Variants in CRYGS observed in about 807,000 individuals in gnomAD.
CRYGS encodes the protein gamma-crystallin S.
CRYGS carries 13 observed loss-of-function variants against 21.3 expected under a neutral mutation model. The observed-to-expected ratio is 0.61, with a 90% CI of 0.40 to 0.97. The LOEUF (loss-of-function observed/expected upper bound fraction) is 0.97. Among genes scored for constraint, CRYGS ranks in the 50% least tolerant of loss-of-function variants. CRYGS has a pLI of 0.00. For missense variants in CRYGS, 205 were observed against 229.7 expected (o/e 0.89, Z 0.69); for synonymous variants, 67 against 75.0 (o/e 0.89, Z 0.55).
At chr3:186,539,683 A>G in intron 1 of CRYGS, 86 bp from the exon 2 acceptor site, 1 of 1,534,718 alleles carries the variant, frequency 6.5e-7, no homozygotes. Context: ...TGCCTACTTT[A>G]GAAATTCCTT....
chr3:186,541,415 T>G (rs544911527), intron 1 of CRYGS, among the ~76,000 whole-genome samples: 2 of 152,220 alleles, frequency 1.3e-5, no homozygotes, highest in Non-Finnish European at 2.9e-5. Flanking sequence ...TCAGTTCCCT[T>G]CCCATCTTAG....
At chr3:186,544,252 G>A (rs73055398) in intron 1 of CRYGS, 54 bp downstream of exon 1, 3 of 1,267,590 alleles carry the variant, frequency 2.4e-6, no homozygotes, top group Non-Finnish European at 3.5e-6. Context: ...TCTGTGTGTT[G>A]AATGCATCAT....
intron 2 of CRYGS, 37 bp downstream of exon 2, chr3:186,539,318 G>A (rs568263645): frequency 1.5e-5 from 24 of 1,611,712 alleles, no homozygotes; most frequent in African/African-American, 1.1e-4. Context: ...GACAGAGGGC[G>A]TGGGAAACAG....
At chr3:186,544,164 C>A (rs1050479528) in intron 1 of CRYGS, 142 bp downstream of exon 1, 53 of 724,868 alleles carry the variant, frequency 7.3e-5, no homozygotes, top group Non-Finnish European at 1.3e-4. Flanking sequence ...ATATAATAAG[C>A]ATTTCTTAAT....
Position 186,539,457 on chromosome 3 carries a change from G to A in CRYGS, c.162C>T (p.Asn54=), listed in dbSNP as rs757509772. The A allele has an allele frequency of 3.1e-6, 5 of 1,613,020 alleles. No homozygotes were observed. Among genetic ancestry groups the A allele is most frequent in the Non-Finnish European group, 4.2e-6 (5 of 1,180,028 alleles). The change falls in exon 2 of 3, where the codon AAC becomes AAT. Residue 54 remains asparagine (N), a synonymous_variant. Coordinates refer to ENST00000307944, the MANE Select transcript of CRYGS (RefSeq NM_017541.4). ...GGTWAVYERP[N]FAGYMYILPQ... ...GTAAGATGTACATGTACCCAGCAAA[G>A]TTGGGCCTTTCATAAACAGCCCAGG...
chr3:186,538,920 T>G lies in CRYGS; in HGVS notation c.313A>C (p.Ser105Arg). Residue 105 changes from serine (S) to arginine (R), a missense_variant, in exon 3 of 3, where the codon AGT becomes CGT. Physicochemically the swap from Ser to Arg is moderately radical, Grantham distance 110. Transcript: ENST00000307944. ...KIQIFEKGDFSGQMYETTEDC... is the reference protein window; with the variant it reads ...KIQIFEKGDFRGQMYETTEDC... ...TCGGTGGTTTCATACATCTGACCAC[T>G]AAAATCCCCTTTCTCAAAGATCTGA... 1 of 1,614,066 alleles carries G rather than the reference T, an allele frequency of 6.2e-7. No individual in the cohort carries two copies. Among genetic ancestry groups the G allele is most frequent in the Non-Finnish European group, 8.5e-7 (1 of 1,179,986 alleles).
intron 1 of CRYGS, among the ~76,000 whole-genome samples, chr3:186,542,735 T>TA (rs976536241): frequency 6.6e-6 from 1 of 152,074 alleles, no homozygotes; most frequent in Non-Finnish European, 1.5e-5. Context: ...CATCTATAAA[T>TA]AAAAAAGAGT....
intron 1 of CRYGS, among the ~76,000 whole-genome samples, chr3:186,542,137 T>C (rs1330001148): frequency 6.6e-6 from 1 of 152,232 alleles, no homozygotes; most frequent in Non-Finnish European, 1.5e-5. Context: ...ATTATCAATA[T>C]CTGCTAAGTA....
At chr3:186,543,692 C>T (rs1373017823) in intron 1 of CRYGS, among the ~76,000 whole-genome samples, 7 of 151,978 alleles carry the variant, frequency 4.6e-5, no homozygotes, top group Non-Finnish European at 7.4e-5. Context: ...TCAGTGGAAG[C>T]GCAAAAAAGA....
chr3:186,539,915 T>C (rs1325974046), intron 1 of CRYGS: 7 of 329,310 alleles, frequency 2.1e-5, no homozygotes, highest in Non-Finnish European at 5.8e-6. Context: ...ATATTATAAA[T>C]TATCCATTTA....
At chr3:186,541,647 T>C (rs73055393) in intron 1 of CRYGS, among the ~76,000 whole-genome samples, 7,313 of 152,258 alleles carry the variant, frequency 0.048, 580 homozygotes, top group African/African-American at 0.17. Context: ...AGCTGACTCA[T>C]GATTAGCAAT....
rs530351088 is a variant in CRYGS at position 186,538,577 on chromosome 3, G to A, written c.*119C>T. On this transcript the variant is annotated 3_prime_UTR_variant, in exon 3 of 3. Transcript: ENST00000307944. ...ATTGCTGGTCCCTAGAAGCATTTAA[G>A]GAGAGGCATTATAGTCAGCAGTGGG... The A allele has an allele frequency of 2.5e-4, 324 of 1,320,820 alleles. 3 individuals carry two copies. In the South Asian group the frequency reaches 3.9e-3, roughly 16 times the overall value. 81.8% of individuals were successfully genotyped at this position (1,320,820 alleles called of 1,614,324 possible). A position where few individuals can be genotyped will look rare whatever the true frequency, so the allele number is the denominator to read the frequency against.
intron 2 of CRYGS, 79 bp downstream of exon 2, chr3:186,539,276 A>G: frequency 6.3e-7 from 1 of 1,596,384 alleles, no homozygotes. Context: ...AGAAGACTCA[A>G]GAAAATGTTC....
At position 186,539,433 on chromosome 3, in the gene CRYGS, T is replaced by C. The variant is rs1560218438; in HGVS notation, c.186A>G (p.Leu62=). The part of the protein sequence containing the change: ...RPNFAGYMYI[L]PQGEYPEYQR... ...GGTATTCAGGGTACTCTCCCTGTGG[T>C]AAGATGTACATGTACCCAGCAAAGT... The change falls in exon 2 of 3, where the codon TTA becomes TTG. Residue 62 remains leucine (L), a synonymous_variant. Coordinates refer to ENST00000307944, the MANE Select transcript of CRYGS (RefSeq NM_017541.4). 1.9e-6 allele frequency: 3 copies of C among 1,612,500 alleles called. No individual in the cohort carries two copies. Among genetic ancestry groups the C allele is most frequent in the Non-Finnish European group, 2.5e-6 (3 of 1,180,010 alleles).
Position 186,538,620 on chromosome 3 carries a change from T to TA in CRYGS, c.*75dup. The TA allele has an allele frequency of 6.3e-7, 1 of 1,591,218 alleles. No individual in the cohort carries two copies. Among genetic ancestry groups the TA allele is most frequent in the South Asian group, 1.1e-5 (1 of 90,376 alleles). The stretch of plus-strand genomic sequence containing the variant: ...GCAGTGGGATGCATGCCAACTGTTT[T>TA]ATTGATGATGCCTATTTGGACCACA... On this transcript the variant is annotated 3_prime_UTR_variant, in exon 3 of 3. Coordinates refer to ENST00000307944, the MANE Select transcript of CRYGS (RefSeq NM_017541.4).
At position 186,539,584 on chromosome 3, in the gene CRYGS, T is replaced by G; in HGVS notation, c.35A>C (p.Glu12Ala). The change falls in exon 2 of 3, where the codon GAA becomes GCA. Residue 12 changes from glutamate to alanine, a missense_variant. Transcript: ENST00000307944. ...SKTGTKITFYEDKNFQGRRYD... is the reference protein window; with the variant it reads ...SKTGTKITFYADKNFQGRRYD... ...GCGACGGCCTTGAAAATTTTTGTCT[T>G]CATAGAAAGTAATCTGAAGTAGAGG... The G allele has an allele frequency of 6.2e-7, 1 of 1,613,984 alleles. No individual in the cohort carries two copies. Among genetic ancestry groups the G allele is most frequent in the Non-Finnish European group, 8.5e-7 (1 of 1,179,886 alleles).
chr3:186,541,500 T>C (rs995265840), intron 1 of CRYGS, among the ~76,000 whole-genome samples: 1 of 152,218 alleles, frequency 6.6e-6, no homozygotes, highest in Non-Finnish European at 1.5e-5. Context: ...ATACTACTGC[T>C]TTCTTGCTAC....
Position 186,544,319 on chromosome 3 carries a change from T to C in CRYGS, c.8A>G (p.Lys3Arg). Residue 3 changes from lysine (K) to arginine (R), a missense_variant, in exon 1 of 3, where the codon AAA becomes AGA. Physicochemically the swap from Lys to Arg is conservative, Grantham distance 26. Transcript: ENST00000307944. MS[K>R]TGTKITFYED... is the part of the protein sequence containing the mutation. ...ATGACTACTTACCTTGGTTCCAGTTTTAGACATTTTTGGTGCATAGACTGG... is the reference window on the plus strand; with the variant it reads ...ATGACTACTTACCTTGGTTCCAGTTCTAGACATTTTTGGTGCATAGACTGG... The C allele has an allele frequency of 6.2e-7, 1 of 1,606,350 alleles. No individual in the cohort carries two copies. The highest frequency in any genetic ancestry group is 1.1e-5 in the South Asian group (1 of 90,936).
chr3:186,544,214 C>T (rs944893091), intron 1 of CRYGS, 92 bp downstream of exon 1: 1 of 858,300 alleles, frequency 1.2e-6, no homozygotes, highest in Non-Finnish European at 2.0e-6. Flanking sequence ...CTATCATACT[C>T]ACCTCTAGGC....
Sources: gnomAD v4.1 joint callset for allele counts (sites outside exome capture counted in the v4.1 genomes callset) on GRCh38, gnomAD v4.1.1 for gene constraint, MANE v1.5 for transcripts, NCBI Gene and HGNC (gene_info 2026-07-23, HGNC 2026-07-21) for gene names.